The following CSTF3 variants were observed in gnomAD, a reference collection of about 807,000 sequenced individuals.
The protein encoded by CSTF3 is CF-1 77 kDa subunit.
CSTF3 carries 29 observed loss-of-function variants against 105.8 expected under a neutral mutation model. The ratio of observed to expected loss-of-function variants is 0.27; its 90% confidence interval spans 0.20 to 0.37. The LOEUF is 0.37. Among genes scored for constraint, CSTF3 ranks in the 10% least tolerant of loss-of-function variants. The probability of loss-of-function intolerance (pLI) is 1.00; values close to 1 mark genes in which losing one functional copy is unlikely to be tolerated. For missense variants in CSTF3, 357 were observed against 879.3 expected (o/e 0.41, Z 7.51); for synonymous variants, 252 against 281.9 (o/e 0.89, Z 1.06).
At chr11:33,095,989 G>A (rs2133772259) in intron 15 of CSTF3, among the ~76,000 whole-genome samples, 1 of 151,812 alleles carries the variant, frequency 6.6e-6, no homozygotes, top group Admixed American at 6.6e-5. Flanking sequence ...TTCCTTCCAG[G>A]AAACAGGAGA....
At position 33,096,349 on chromosome 11, in the gene CSTF3, T is replaced by G. The variant is rs1211583196; in HGVS notation, c.1332A>C (p.Pro444=). The G allele has an allele frequency of 1.2e-6, 2 of 1,600,996 alleles. No homozygotes were observed. Among genetic ancestry groups the G allele is most frequent in the Admixed American group, 3.6e-5 (2 of 55,362 alleles). Residue 444 remains proline, a synonymous_variant, in exon 15 of 21, where the codon CCA becomes CCC. Coordinates refer to ENST00000323959, the MANE Select transcript of CSTF3 (RefSeq NM_001326.3). ...AGTCAATATAGGCCAGGACATACTCTGGAATGTCTCCATATTTTTTTAGCC... is the reference window on the plus strand; with the variant it reads ...AGTCAATATAGGCCAGGACATACTCGGGAATGTCTCCATATTTTTTTAGCC... ...ELGLKKYGDI[P]EYVLAYIDYL...
intron 3 of CSTF3, among the ~76,000 whole-genome samples, chr11:33,138,266 C>G (rs1379234145): frequency 6.6e-6 from 1 of 151,664 alleles, no homozygotes; most frequent in African/African-American, 2.4e-5. Context: ...GAATGTGGCC[C>G]GATTCAAAAC....
intron 3 of CSTF3, among the ~76,000 whole-genome samples, chr11:33,140,069 CAG>C (rs1855694669): frequency 6.6e-6 from 1 of 151,986 alleles, no homozygotes; most frequent in South Asian, 2.1e-4. Context: ...TTCAAAAACT[CAG>C]AAAGTTCTAC....
rs1564999808 is a variant in CSTF3, at chr11:33,085,069, G to C, written c.*18C>G. On this transcript the variant is annotated 3_prime_UTR_variant, in exon 21 of 21. Coordinates refer to ENST00000323959, the MANE Select transcript of CSTF3 (RefSeq NM_001326.3). ...AAGGAATCCTGGACAGGAGTTTTCT[G>C]CAGAGGCGTTTAAAACCCTACCGAA... 4.3e-6 allele frequency: 7 copies of C among 1,613,558 alleles called. No individual in the cohort carries two copies. The highest frequency in any genetic ancestry group is 5.9e-6 in the Non-Finnish European group (7 of 1,179,510).
Position 33,097,392 on chromosome 11 carries a change from C to T in CSTF3, c.1129-414G>A, listed in dbSNP as rs1231127031. Reference sequence around the variant, plus strand: ...ACAATACATGTTTTTTTTTTTGAGACGGAGTCTCGCTCTGTTGCCCAGGCT... The same window carrying T: ...ACAATACATGTTTTTTTTTTTGAGATGGAGTCTCGCTCTGTTGCCCAGGCT... On this transcript the variant is annotated intron_variant, in intron 13 of 20. Coordinates refer to ENST00000323959, the MANE Select transcript of CSTF3 (RefSeq NM_001326.3). Among the ~76,000 whole-genome samples the T allele has an allele frequency of 5.3e-5, 8 of 151,500 alleles. No homozygotes were observed. In the South Asian group the frequency reaches 1.2e-3, roughly 24 times the overall value.
rs528533457 is a variant in CSTF3 at position 33,096,783 on chromosome 11, A to C, written c.1272+52T>G. 9 of 1,522,022 alleles carry C rather than the reference A, an allele frequency of 5.9e-6. No individual in the cohort carries two copies. In the South Asian group the frequency reaches 1.1e-4, roughly 19 times the overall value. The allele number at this position is 1,522,022 out of a possible 1,614,324, so 94.3% of individuals were successfully genotyped here. ...AGCTAAAATCACCTTTCTTTTACGA[A>C]CCTCAGATGAAGGAAGTTGTTTTAT... On this transcript the variant is annotated intron_variant, in intron 14 of 20. Coordinates refer to ENST00000323959, the MANE Select transcript of CSTF3 (RefSeq NM_001326.3).
intron 3 of CSTF3, among the ~76,000 whole-genome samples, chr11:33,134,691 A>C (rs1855634801): frequency 6.6e-6 from 1 of 152,166 alleles, no homozygotes; most frequent in Non-Finnish European, 1.5e-5. Context: ...TTAGTCATCA[A>C]ATTTGACTTT....
At chr11:33,146,984 G>A (rs1304660285) in intron 1 of CSTF3, among the ~76,000 whole-genome samples, 1 of 152,056 alleles carries the variant, frequency 6.6e-6, no homozygotes, top group Admixed American at 6.5e-5. Context: ...GAGCAACATA[G>A]TGAGACACTG....
At chr11:33,106,290 C>A (rs952064021) in intron 5 of CSTF3, among the ~76,000 whole-genome samples, 2 of 151,902 alleles carry the variant, frequency 1.3e-5, no homozygotes, top group East Asian at 3.9e-4. Flanking sequence ...GTGGCGTGCA[C>A]CTGTAATCCT....
chr11:33,096,272 T>G, intron 15 of CSTF3, 34 bp downstream of exon 15: 1 of 1,316,750 alleles, frequency 7.6e-7, no homozygotes, highest in Non-Finnish European at 1.0e-6. Flanking sequence ...GGTTTAATAT[T>G]AAGTAATCAT....
intron 3 of CSTF3, among the ~76,000 whole-genome samples, chr11:33,131,690 C>CA (rs370372992): frequency 0.26 from 37,980 of 145,004 alleles, 5,096 homozygotes; most frequent in East Asian, 0.35. Flanking sequence ...ACTAAAAATA[C>CA]AAAAAAAAAA....
chr11:33,108,794 G>A (rs770436578), intron 3 of CSTF3, among the ~76,000 whole-genome samples: 21 of 152,010 alleles, frequency 1.4e-4, no homozygotes, highest in Non-Finnish European at 2.2e-4. Flanking sequence ...CAATCTGAGC[G>A]GCAAAAAAGA....
chr11:33,131,011 CAG>C (rs985133609), intron 3 of CSTF3, among the ~76,000 whole-genome samples: 7 of 152,098 alleles, frequency 4.6e-5, no homozygotes, highest in African/African-American at 1.7e-4. Context: ...GCCTGGGCAA[CAG>C]AGTGAGACCC....
chr11:33,086,953 A>G (rs201667196), intron 18 of CSTF3, 35 bp downstream of exon 18: 46 of 1,613,488 alleles, frequency 2.9e-5, no homozygotes, highest in Non-Finnish European at 3.9e-5. Flanking sequence ...CAAACAAACC[A>G]ACGTCTCAGT....
At chr11:33,127,127 G>A (rs1358608981) in intron 3 of CSTF3, among the ~76,000 whole-genome samples, 2 of 152,172 alleles carry the variant, frequency 1.3e-5, no homozygotes, top group Non-Finnish European at 2.9e-5. Flanking sequence ...GAACATCAAG[G>A]AGGCCAGTGT....
At chr11:33,160,861 G>C (rs1308943874) in intron 1 of CSTF3, among the ~76,000 whole-genome samples, 3 of 152,188 alleles carry the variant, frequency 2.0e-5, no homozygotes, top group Admixed American at 6.5e-5. Flanking sequence ...TAATTCTCCA[G>C]ATTAGCTTTG....
intron 3 of CSTF3, among the ~76,000 whole-genome samples, chr11:33,128,701 A>C (rs1855568917): frequency 6.6e-6 from 1 of 152,176 alleles, no homozygotes; most frequent in Non-Finnish European, 1.5e-5. Context: ...GCCACAAGTC[A>C]TCTGCTTTAA....
chr11:33,122,810 A>C (rs534956599), intron 3 of CSTF3, among the ~76,000 whole-genome samples: 1 of 147,284 alleles, frequency 6.8e-6, no homozygotes, highest in South Asian at 2.2e-4. Context: ...CAGCTACTTG[A>C]GGGGCTGAAG....
intron 4 of CSTF3, among the ~76,000 whole-genome samples, 173 bp downstream of exon 4, chr11:33,108,213 A>T (rs1430537905): frequency 1.3e-5 from 2 of 152,124 alleles, no homozygotes; most frequent in Non-Finnish European, 2.9e-5. Flanking sequence ...TCCTTTTCCA[A>T]AACTTTTATG....
Sources: allele counts gnomAD v4.1 joint callset (sites outside exome capture counted in the v4.1 genomes callset), GRCh38; gene constraint gnomAD v4.1.1; transcripts MANE v1.5; gene names NCBI Gene and HGNC (gene_info 2026-07-23, HGNC 2026-07-21).